NAV3: variants seen among roughly 807,000 people sequenced by gnomAD.
NAV3 encodes the protein neuron navigator 3.
A neutral mutation model predicts 244.7 loss-of-function variants in NAV3; 87 were observed. The ratio of observed to expected loss-of-function variants is 0.36; its 90% CI spans 0.30 to 0.42. The LOEUF (loss-of-function observed/expected upper bound fraction) is 0.42. Ranked by LOEUF, NAV3 falls within the 20% of genes least tolerant of loss-of-function variation. The pLI is 1.00. For missense variants in NAV3, 2,663 were observed against 2,893.3 expected (o/e 0.92, Z 1.83); for synonymous variants, 1,126 against 1,042.2 (o/e 1.08, Z -1.55).
intron 2 of NAV3, among the ~76,000 whole-genome samples, chr12:77,783,740 G>A (rs1452538855): frequency 6.6e-6 from 1 of 152,192 alleles, no homozygotes; most frequent in African/African-American, 2.4e-5. Context: ...AAGGATGGCT[G>A]TGTAGGTGTA....
At chr12:77,943,612 T>C (rs1321504727) in intron 3 of NAV3, among the ~76,000 whole-genome samples, 4 of 152,236 alleles carry the variant, frequency 2.6e-5, no homozygotes, top group Admixed American at 6.5e-5. Flanking sequence ...ATAATTATGA[T>C]AGCATGACTA....
intron 2 of NAV3, among the ~76,000 whole-genome samples, chr12:77,776,843 T>C (rs1179685882): frequency 6.6e-6 from 1 of 152,146 alleles, no homozygotes; most frequent in Admixed American, 6.6e-5. Flanking sequence ...TAGCCCGGTC[T>C]GGTGGAGTAT....
At chr12:77,824,119 G>A (rs538712867) in intron 2 of NAV3, among the ~76,000 whole-genome samples, 11 of 152,202 alleles carry the variant, frequency 7.2e-5, no homozygotes, top group South Asian at 2.1e-4. Flanking sequence ...CTGTCACCAG[G>A]CTGGAGTATA....
chr12:78,029,389 A>G (rs996085037), intron 9 of NAV3, among the ~76,000 whole-genome samples: 10 of 152,194 alleles, frequency 6.6e-5, no homozygotes, highest in African/African-American at 2.4e-4. Context: ...CCTAGAGACA[A>G]CATGATAGAA....
intron 2 of NAV3, among the ~76,000 whole-genome samples, chr12:77,716,674 T>C (rs929781373): frequency 6.6e-6 from 1 of 152,002 alleles, no homozygotes; most frequent in Non-Finnish European, 1.5e-5. Flanking sequence ...TGATCAAAAT[T>C]CCCAATTATT....
intron 1 of NAV3, among the ~76,000 whole-genome samples, chr12:77,901,884 G>A (rs976161912): frequency 2.0e-5 from 3 of 152,050 alleles, no homozygotes; most frequent in Non-Finnish European, 4.4e-5. Flanking sequence ...GCAGCTCTGA[G>A]ATGCCCCAGT....
chr12:77,893,860 C>G (rs1315644968), intron 1 of NAV3, among the ~76,000 whole-genome samples: 1 of 152,158 alleles, frequency 6.6e-6, no homozygotes, highest in African/African-American at 2.4e-5. Context: ...GATGTTAAAA[C>G]TACAAGTGTA....
intron 1 of NAV3, among the ~76,000 whole-genome samples, chr12:77,888,699 G>C (rs1883586748): frequency 6.6e-6 from 1 of 152,108 alleles, no homozygotes; most frequent in South Asian, 2.1e-4. Flanking sequence ...AGATCCTATA[G>C]TTTATGCTGA....
Position 77,659,575 on chromosome 12 carries a change from A to G in NAV3, c.72+87309A>G, listed in dbSNP as rs547726854. 7.2e-5 allele frequency among the ~76,000 whole-genome samples: 11 copies of G among 152,292 alleles called. No homozygotes were observed. In the East Asian group the frequency reaches 1.5e-3, roughly 21 times the overall value. ...GGCGATTCCTCAGGGATCTAGAACT[A>G]GAAATACTATTTGACCCAGCCATCC... On this transcript the variant is annotated intron_variant, in intron 2 of 8. Transcript: ENST00000550042.
intron 28 of NAV3, among the ~76,000 whole-genome samples, chr12:78,177,923 C>T (rs1201503680): frequency 6.3e-5 from 6 of 94,686 alleles, no homozygotes; most frequent in Non-Finnish European, 1.9e-4. Flanking sequence ...AGTACAGTAG[C>T]CCCCCGTTAT....
chr12:77,724,441 CAT>C (rs1269982045), intron 2 of NAV3, among the ~76,000 whole-genome samples: 1 of 151,846 alleles, frequency 6.6e-6, no homozygotes, highest in Non-Finnish European at 1.5e-5. Context: ...AATTAAAAAA[CAT>C]ATTTAGGCCA....
chr12:78,197,042 T>C (rs1959184465), intron 34 of NAV3, among the ~76,000 whole-genome samples: 1 of 151,984 alleles, frequency 6.6e-6, no homozygotes, highest in African/African-American at 2.4e-5. Flanking sequence ...TGCTTTCCTT[T>C]TTCTTGCTTT....
At chr12:77,700,182 G>A (rs1261576402) in intron 2 of NAV3, among the ~76,000 whole-genome samples, 1 of 152,122 alleles carries the variant, frequency 6.6e-6, no homozygotes, top group Non-Finnish European at 1.5e-5. Context: ...CATCTTTGAA[G>A]AAAGAGTGAG....
chr12:77,868,220 AAACAACAAC>A (rs3078775), intron 1 of NAV3, among the ~76,000 whole-genome samples: 2 of 151,398 alleles, frequency 1.3e-5, no homozygotes, highest in Non-Finnish European at 2.9e-5. Context: ...GGCCCTCCTA[AAACAACAAC>A]AACAACAACA....
At chr12:77,573,341 C>A (rs2136647151) in intron 2 of NAV3, among the ~76,000 whole-genome samples, 1 of 152,206 alleles carries the variant, frequency 6.6e-6, no homozygotes, top group African/African-American at 2.4e-5. Flanking sequence ...TGGCATGGGG[C>A]TACAGTAATC....
At chr12:77,793,353 G>T (rs1871267840) in intron 2 of NAV3, among the ~76,000 whole-genome samples, 1 of 152,106 alleles carries the variant, frequency 6.6e-6, no homozygotes, top group African/African-American at 2.4e-5. Context: ...AGAACTTGCA[G>T]GTTTGTTACA....
intron 3 of NAV3, among the ~76,000 whole-genome samples, chr12:77,945,362 G>C (rs1467411869): frequency 6.6e-6 from 1 of 152,114 alleles, no homozygotes; most frequent in Non-Finnish European, 1.5e-5. Flanking sequence ...GTCATAAAAG[G>C]TTATGATGGG....
At chr12:77,890,479 C>G (rs1883801492) in intron 1 of NAV3, among the ~76,000 whole-genome samples, 2 of 152,000 alleles carry the variant, frequency 1.3e-5, no homozygotes, top group Admixed American at 1.3e-4. Flanking sequence ...ATTTTCATTT[C>G]TTTAATTGTA....
At chr12:77,608,984 A>G (rs1443950753) in intron 2 of NAV3, among the ~76,000 whole-genome samples, 2 of 152,094 alleles carry the variant, frequency 1.3e-5, no homozygotes, top group East Asian at 1.9e-4. Context: ...ATATACATAC[A>G]TAGAAGTGGT....
Sources: allele counts gnomAD v4.1 joint callset (sites outside exome capture counted in the v4.1 genomes callset), GRCh38; gene constraint gnomAD v4.1.1; transcripts MANE v1.5; gene names NCBI Gene and HGNC (gene_info 2026-07-23, HGNC 2026-07-21).